SGCZ: variants seen among roughly 807,000 people sequenced by gnomAD.
SGCZ encodes the protein zeta-sarcoglycan.
A neutral mutation model predicts 41.3 loss-of-function variants in SGCZ; 40 were observed. The observed-to-expected ratio is 0.97, with a 90% CI of 0.75 to 1.26. The LOEUF is 1.26. Among genes scored for constraint, SGCZ ranks in the 50% most tolerant of loss-of-function variants. The probability of loss-of-function intolerance (pLI) is 0.00; values close to 1 mark genes in which losing one functional copy is unlikely to be tolerated. For synonymous variants in SGCZ, 206 were observed against 137.5 expected (o/e 1.50, Z -3.49); for missense variants, 552 against 369.8 (o/e 1.49, Z -4.04).
At chr8:14,119,821 G>T (rs186403658) in intron 5 of SGCZ, among the ~76,000 whole-genome samples, 1 of 151,996 alleles carries the variant, frequency 6.6e-6, no homozygotes, top group Admixed American at 6.6e-5. Context: ...TTAGATAATC[G>T]TGTGGTTTTT....
intron 1 of SGCZ, among the ~76,000 whole-genome samples, chr8:14,597,008 T>G (rs1281996097): frequency 6.6e-6 from 1 of 152,112 alleles, no homozygotes; most frequent in African/African-American, 2.4e-5. Context: ...ACTAGAAAAT[T>G]GTGAACAACT....
chr8:14,734,129 C>T (rs1798956885), intron 1 of SGCZ, among the ~76,000 whole-genome samples: 1 of 152,154 alleles, frequency 6.6e-6, no homozygotes, highest in Admixed American at 6.6e-5. Context: ...GGAGGAACTG[C>T]AGGGCTCTGA....
At chr8:15,114,529 C>T (rs191668809) in intron 1 of SGCZ, among the ~76,000 whole-genome samples, 4 of 152,274 alleles carry the variant, frequency 2.6e-5, no homozygotes, top group Non-Finnish European at 5.9e-5. Context: ...CCTTGAATCA[C>T]TATTTGATTA....
chr8:14,339,760 G>A (rs1231441237), intron 2 of SGCZ, among the ~76,000 whole-genome samples: 1 of 151,936 alleles, frequency 6.6e-6, no homozygotes, highest in Non-Finnish European at 1.5e-5. Flanking sequence ...AAAAAGACGA[G>A]TACATAGCAC....
chr8:14,298,232 T>A (rs1020251163), intron 3 of SGCZ, among the ~76,000 whole-genome samples: 2 of 151,970 alleles, frequency 1.3e-5, no homozygotes, highest in African/African-American at 4.8e-5. Flanking sequence ...CCTATGAAAA[T>A]TCTACTGTAA....
intron 2 of SGCZ, among the ~76,000 whole-genome samples, chr8:14,342,013 C>A (rs183763297): frequency 6.6e-4 from 101 of 152,306 alleles, no homozygotes; most frequent in African/African-American, 2.4e-3. Context: ...GACTTTGGAA[C>A]TGGGTAACAG....
intron 1 of SGCZ, among the ~76,000 whole-genome samples, chr8:14,930,345 C>T (rs534066954): frequency 2.0e-5 from 3 of 151,854 alleles, no homozygotes; most frequent in Admixed American, 6.6e-5. Context: ...AACAGATGCT[C>T]GAGAGGATGT....
intron 2 of SGCZ, among the ~76,000 whole-genome samples, chr8:14,419,843 G>C (rs957912906): frequency 6.6e-6 from 1 of 151,956 alleles, no homozygotes; most frequent in African/African-American, 2.4e-5. Flanking sequence ...TACTGAATTT[G>C]CTGACTTGAA....
At chr8:15,120,495 G>C (rs1025207500) in intron 1 of SGCZ, among the ~76,000 whole-genome samples, 1 of 152,008 alleles carries the variant, frequency 6.6e-6, no homozygotes, top group African/African-American at 2.4e-5. Context: ...TTCTTTTAAA[G>C]TGGCATTAAC....
rs1481721482 is a variant in SGCZ, at chr8:14,215,086, G to C, written c.424+22506C>G. ...CACACATTATTTTCAAGTGACCATAGAACCTTCATCAAATAAAGCACTTCC... is the reference window on the plus strand; with the variant it reads ...CACACATTATTTTCAAGTGACCATACAACCTTCATCAAATAAAGCACTTCC... On this transcript the variant is annotated intron_variant, in intron 4 of 7. Coordinates refer to ENST00000382080, the MANE Select transcript of SGCZ (RefSeq NM_139167.4). 2.0e-5 allele frequency among the ~76,000 whole-genome samples: 3 copies of C among 152,068 alleles called. No individual in the cohort carries two copies. In the East Asian group the frequency reaches 5.8e-4, roughly 29 times the overall value.
At chr8:14,935,325 G>C (rs1165164782) in intron 1 of SGCZ, among the ~76,000 whole-genome samples, 1 of 151,572 alleles carries the variant, frequency 6.6e-6, no homozygotes, top group Admixed American at 6.6e-5. Flanking sequence ...ATTCTTCCAT[G>C]TTGACATACA....
chr8:14,789,723 T>G (rs1436038622), intron 1 of SGCZ, among the ~76,000 whole-genome samples: 1 of 152,132 alleles, frequency 6.6e-6, no homozygotes, highest in Non-Finnish European at 1.5e-5. Context: ...TTTCTCTAGA[T>G]CTCATCATGA....
chr8:14,708,846 G>T (rs1171878373), intron 1 of SGCZ, among the ~76,000 whole-genome samples: 7 of 95,440 alleles, frequency 7.3e-5, no homozygotes, highest in Non-Finnish European at 1.2e-4. Flanking sequence ...TGTGTATTCA[G>T]CTTTATAATC....
At chr8:15,214,646 T>C (rs1042426626) in intron 1 of SGCZ, among the ~76,000 whole-genome samples, 1 of 152,174 alleles carries the variant, frequency 6.6e-6, no homozygotes, top group African/African-American at 2.4e-5. Flanking sequence ...GTTCCCTGAA[T>C]CGTGGGGAGC....
At chr8:14,574,806 A>C (rs1804659258) in intron 1 of SGCZ, among the ~76,000 whole-genome samples, 1 of 152,212 alleles carries the variant, frequency 6.6e-6, no homozygotes, top group Admixed American at 6.5e-5. Flanking sequence ...TACCCACTAC[A>C]GTAATATTTC....
At chr8:14,438,499 T>C (rs1417855549) in intron 2 of SGCZ, among the ~76,000 whole-genome samples, 1 of 152,036 alleles carries the variant, frequency 6.6e-6, no homozygotes, top group Admixed American at 6.6e-5. Context: ...TGGCTCTCTC[T>C]ATTCAATTCT....
chr8:14,363,073 G>A (rs117135128), intron 2 of SGCZ, among the ~76,000 whole-genome samples: 4,860 of 152,050 alleles, frequency 0.032, 107 homozygotes, highest in Middle Eastern at 0.061. Flanking sequence ...ATAGTCTGGA[G>A]GAAAGAGAGA....
chr8:14,525,925 A>G (rs1472672260), intron 2 of SGCZ, among the ~76,000 whole-genome samples: 3 of 152,216 alleles, frequency 2.0e-5, no homozygotes, highest in Non-Finnish European at 4.4e-5. Context: ...CAGTATAAGT[A>G]TAGTGAACAT....
intron 1 of SGCZ, among the ~76,000 whole-genome samples, chr8:14,818,522 G>A (rs868439010): frequency 1.6e-4 from 25 of 152,114 alleles, no homozygotes; most frequent in African/African-American, 5.8e-4. Flanking sequence ...CAGCAAACAC[G>A]AAAAGTCAAG....
Sources: gnomAD v4.1 joint callset for allele counts (sites outside exome capture counted in the v4.1 genomes callset) on GRCh38, gnomAD v4.1.1 for gene constraint, MANE v1.5 for transcripts, NCBI Gene and HGNC (gene_info 2026-07-23, HGNC 2026-07-21) for gene names.